The following DNAH5 variants were observed in gnomAD, a reference collection of about 807,000 sequenced individuals.
DNAH5 encodes dynein axonemal heavy chain 5.
DNAH5 carries 372 observed loss-of-function variants against 518.2 expected under a neutral mutation model. The observed-to-expected ratio is 0.72, with a 90% confidence interval of 0.66 to 0.78. DNAH5 has a LOEUF of 0.78. Ranked by LOEUF, DNAH5 falls within the 30% of genes least tolerant of loss-of-function variation. The pLI is 0.00. For missense variants in DNAH5, 5,523 were observed against 5,687.0 expected (o/e 0.97, Z 0.93); for synonymous variants, 2,039 against 2,025.9 (o/e 1.01, Z -0.17).
chr5:13,869,595 A>G (rs2151916494), intron 24 of DNAH5, among the ~76,000 whole-genome samples: 1 of 152,264 alleles, frequency 6.6e-6, no homozygotes, highest in East Asian at 1.9e-4. Flanking sequence ...CTCATTTCTA[A>G]TGATGATATA....
intron 37 of DNAH5, 44 bp from the exon 38 acceptor site, chr5:13,829,748 A>G: frequency 6.5e-7 from 1 of 1,541,726 alleles, no homozygotes. Flanking sequence ...GCAATCAAGC[A>G]CACATCAGCA....
intron 1 of DNAH5, among the ~76,000 whole-genome samples, chr5:13,997,415 C>T (rs2152079580): frequency 6.6e-6 from 1 of 152,278 alleles, no homozygotes; most frequent in African/African-American, 2.4e-5. Context: ...CCTCCAGTTT[C>T]CAATAACATA....
At chr5:13,781,747 T>C (rs1430995332) in intron 52 of DNAH5, among the ~76,000 whole-genome samples, 1 of 152,084 alleles carries the variant, frequency 6.6e-6, no homozygotes, top group Non-Finnish European at 1.5e-5. Flanking sequence ...ACCTTTTCCT[T>C]CCCAGTCTTG....
rs116721273 is a variant in DNAH5, at chr5:13,776,401, C to T, written c.9373+38G>A. ...CCCTGAAAGAACTAGAATCCTTGAA[C>T]ACATGTTATGCCCTGGCATAAACAT... On this transcript the variant is annotated intron_variant, in intron 55 of 78. Coordinates refer to ENST00000265104, the MANE Select transcript of DNAH5 (RefSeq NM_001369.3). The T allele has an allele frequency of 7.7e-4, 1,243 of 1,613,134 alleles. 10 individuals carry two copies. In the African/African-American group the frequency reaches 0.015, roughly 20 times the overall value.
At chr5:13,766,236 A>T (rs1406718143) in intron 58 of DNAH5, 57 bp from the exon 59 acceptor site, 2 of 1,563,386 alleles carry the variant, frequency 1.3e-6, no homozygotes, top group African/African-American at 2.7e-5. Context: ...AGACAAGCAA[A>T]CCTTGCATGT....
At chr5:13,978,071 A>G (rs1782401106) in intron 1 of DNAH5, among the ~76,000 whole-genome samples, 1 of 152,228 alleles carries the variant, frequency 6.6e-6, no homozygotes, top group Non-Finnish European at 1.5e-5. Context: ...GGGGCCAAGC[A>G]TCGTCCCTAT....
rs1045290452 is a variant in DNAH5, at chr5:13,738,323, C to T, written c.11212-828G>A. On this transcript the variant is annotated intron_variant, in intron 65 of 78. Transcript: ENST00000265104. ...ATATATCTCTGATTAAATAGGTTTA[C>T]TTCTGTCTACTTTCTTAAGAGAGTT... 2.0e-5 allele frequency among the ~76,000 whole-genome samples: 3 copies of T among 152,192 alleles called. No homozygotes were observed. The South Asian group carries it at 6.2e-4, about 32-fold the overall frequency.
Position 13,862,704 on chromosome 5 carries a change from T to C in DNAH5, c.4640A>G (p.Lys1547Arg), listed in dbSNP as rs929108103. 3 of 1,613,906 alleles carry C rather than the reference T, an allele frequency of 1.9e-6. No homozygotes were observed. Among genetic ancestry groups the C allele is most frequent in the Non-Finnish European group, 2.5e-6 (3 of 1,179,952 alleles). The change falls in exon 29 of 79, where the codon AAG becomes AGG. Residue 1547 changes from lysine to arginine, a missense_variant. Coordinates refer to ENST00000265104, the MANE Select transcript of DNAH5 (RefSeq NM_001369.3). ...CCATTCATTAATCACTTGCTTCAGCTTTTGCTCAATGTCTCTCTCTTTCAC... is the reference window on the plus strand; with the variant it reads ...CCATTCATTAATCACTTGCTTCAGCCTTTGCTCAATGTCTCTCTCTTTCAC... ...SAVKERDIEQ[K>R]LKQVINEWDN... is the part of the protein sequence containing the mutation.
chr5:13,879,878 A>G (rs1771415631), intron 21 of DNAH5, among the ~76,000 whole-genome samples: 1 of 106,422 alleles, frequency 9.4e-6, no homozygotes, highest in South Asian at 2.7e-4. Flanking sequence ...AGAAAGACAG[A>G]GGAAACATAC....
chr5:13,935,131 C>A (rs564757646), intron 1 of DNAH5, among the ~76,000 whole-genome samples: 1 of 152,138 alleles, frequency 6.6e-6, no homozygotes, highest in South Asian at 2.1e-4. Context: ...AAGAAGTAGA[C>A]AGCCAGAAGA....
At chr5:13,761,445 T>A (rs1054568516) in intron 60 of DNAH5, among the ~76,000 whole-genome samples, 2 of 151,780 alleles carry the variant, frequency 1.3e-5, no homozygotes, top group African/African-American at 4.8e-5. Flanking sequence ...TACAAAAAAT[T>A]AGCCAGGCAT....
At chr5:13,779,529 A>G (rs1323415773) in intron 53 of DNAH5, among the ~76,000 whole-genome samples, 5 of 152,200 alleles carry the variant, frequency 3.3e-5, no homozygotes, top group Non-Finnish European at 5.9e-5. Context: ...TTAACGTCAA[A>G]TGATTTTCAG....
intron 55 of DNAH5, among the ~76,000 whole-genome samples, chr5:13,773,574 A>G (rs1217783124): frequency 6.6e-6 from 1 of 152,232 alleles, no homozygotes; most frequent in African/African-American, 2.4e-5. Context: ...CATAAGTATC[A>G]AACACCAGTA....
intron 35 of DNAH5, among the ~76,000 whole-genome samples, chr5:13,831,929 T>G (rs995723217): frequency 6.6e-6 from 1 of 152,084 alleles, no homozygotes; most frequent in African/African-American, 2.4e-5. Context: ...CCACAGAGAT[T>G]GAGTGACTTT....
chr5:13,807,557 T>C (rs374009876), intron 47 of DNAH5, 34 bp downstream of exon 47: 37 of 1,608,202 alleles, frequency 2.3e-5, no homozygotes, highest in Non-Finnish European at 2.1e-5. Context: ...TATCACAAAA[T>C]TGGGCTTACT....
chr5:13,961,146 C>T (rs2152046722), intron 1 of DNAH5, among the ~76,000 whole-genome samples: 1 of 152,244 alleles, frequency 6.6e-6, no homozygotes, highest in Non-Finnish European at 1.5e-5. Flanking sequence ...TACCTCCCTC[C>T]CTTGACCACT....
rs1014898824 is a variant in DNAH5 at position 13,809,082 on chromosome 5, T to C, written c.7714A>G (p.Thr2572Ala). ...ILVPNVDNVRTDFLIQTIAKQ... is the reference protein window; with the variant it reads ...ILVPNVDNVRADFLIQTIAKQ... ...GCAATGGTTTGAATTAGAAAGTCAG[T>C]CCTCACATTGTCAACATTTGGCACC... The change falls in exon 46 of 79, where the codon ACT (threonine) becomes GCT (alanine). Residue 2572 changes from threonine (T) to alanine (A), a missense_variant. This residue lies in a region of DNAH5 where 5,121 missense variants were observed against 5,223.3 expected (regional missense o/e 0.98). Coordinates refer to ENST00000265104, the MANE Select transcript of DNAH5 (RefSeq NM_001369.3). The C allele has an allele frequency of 6.2e-7, 1 of 1,614,174 alleles. No individual in the cohort carries two copies. Among genetic ancestry groups the C allele is most frequent in the Non-Finnish European group, 8.5e-7 (1 of 1,180,026 alleles).
intron 65 of DNAH5, among the ~76,000 whole-genome samples, chr5:13,739,059 G>A (rs895320612): frequency 6.6e-5 from 10 of 152,080 alleles, no homozygotes; most frequent in South Asian, 2.1e-4. Flanking sequence ...TTGACAGTGC[G>A]TTTGACAGTT....
intron 55 of DNAH5, 182 bp from the exon 56 acceptor site, chr5:13,771,162 C>G (rs1753290529): frequency 1.7e-6 from 1 of 602,850 alleles, no homozygotes. Context: ...ATTTTATTTT[C>G]TGTTGTATAT....
Sources: gnomAD v4.1 joint callset for allele counts (sites outside exome capture counted in the v4.1 genomes callset) on GRCh38, gnomAD v4.1.1 for gene constraint, gnomAD v4.1.1 regional missense constraint, MANE v1.5 for transcripts, NCBI Gene and HGNC (gene_info 2026-07-23, HGNC 2026-07-21) for gene names.